Variants in RPTOR observed in about 807,000 individuals in gnomAD.
RPTOR encodes regulatory-associated protein of mTOR.
In RPTOR, 21 loss-of-function variants were observed where a neutral mutation model predicts 169.9. The observed-to-expected ratio is 0.12, with a 90% confidence interval of 0.09 to 0.18. The LOEUF (loss-of-function observed/expected upper bound fraction) is 0.18, where lower values mean the gene tolerates loss of function less well. Ranked by LOEUF, RPTOR falls within the 10% of genes least tolerant of loss-of-function variation. The pLI, the probability that RPTOR is intolerant of heterozygous loss-of-function variation, is 1.00. For missense variants in RPTOR, 1,133 were observed against 1,855.9 expected, an observed-to-expected ratio of 0.61 and a Z score of 7.16; for synonymous variants, 732 against 753.2, an observed-to-expected ratio of 0.97 and a Z score of 0.46.
At chr17:80,582,696 C>T (rs1304708867) in intron 1 of RPTOR, among the ~76,000 whole-genome samples, 2 of 151,816 alleles carry the variant, frequency 1.3e-5, no homozygotes, top group South Asian at 2.1e-4. Flanking sequence ...CAGGCGCCCG[C>T]CACCATGCCT....
intron 24 of RPTOR, among the ~76,000 whole-genome samples, chr17:80,937,638 G>GT (rs927772448): frequency 6.6e-6 from 1 of 152,226 alleles, no homozygotes; most frequent in African/African-American, 2.4e-5. Flanking sequence ...CTGTTTACAG[G>GT]GAGGCTCAGC....
chr17:80,913,501 G>T (rs568288162), intron 21 of RPTOR, among the ~76,000 whole-genome samples: 1 of 152,264 alleles, frequency 6.6e-6, no homozygotes, highest in South Asian at 2.1e-4. Context: ...CACCCAGGCT[G>T]GAGTTCAGTG....
At chr17:80,635,191 C>T (rs1171977131) in intron 2 of RPTOR, among the ~76,000 whole-genome samples, 1 of 152,178 alleles carries the variant, frequency 6.6e-6, no homozygotes, top group Non-Finnish European at 1.5e-5. Flanking sequence ...TGCCATTTCA[C>T]CCCAATATCT....
chr17:80,588,995 C>T (rs760755482), intron 1 of RPTOR, among the ~76,000 whole-genome samples: 2 of 152,104 alleles, frequency 1.3e-5, no homozygotes, highest in South Asian at 2.1e-4. Flanking sequence ...GATTTTGTCC[C>T]ATAATGTACC....
intron 7 of RPTOR, chr17:80,802,620 A>G (rs971179514): frequency 5.9e-5 from 9 of 152,506 alleles, no homozygotes; most frequent in African/African-American, 2.2e-4. Flanking sequence ...AGGAAAAGAA[A>G]ATGCATGTGT....
At chr17:80,665,460 T>C (rs533446888) in intron 3 of RPTOR, among the ~76,000 whole-genome samples, 1 of 31,218 alleles carries the variant, frequency 3.2e-5, no homozygotes, top group African/African-American at 3.2e-4. Flanking sequence ...TTCCTTTCCT[T>C]TCCTTTCCTT....
In RPTOR at chr17:80,744,829, CCCTGGTTACTAGCACTGT is replaced by C. The variant is rs1274286867; in HGVS notation, c.655-9175_655-9158del. Among the ~76,000 whole-genome samples the C allele has an allele frequency of 1.0e-3, 11 of 10,716 alleles. 1 individual carries two copies. Among genetic ancestry groups the C allele is most frequent in the East Asian group, 2.2e-3 (1 of 460 alleles). 7.0% of individuals were successfully genotyped at this position (10,716 alleles called of 152,430 possible). A position where few individuals can be genotyped will look rare whatever the true frequency, so the allele number is the denominator to read the frequency against. ...AGCACTGTCCTGGCTACTAGCACAG[CCCTGGTTACTAGCACTGT>C]CCTGGCTACTAGCACTGTCCTGGTT... On this transcript the variant is annotated intron_variant, in intron 5 of 33. Transcript: ENST00000306801.
chr17:80,894,944 C>T (rs1410465076), intron 20 of RPTOR, among the ~76,000 whole-genome samples: 1 of 152,246 alleles, frequency 6.6e-6, no homozygotes, highest in Admixed American at 6.5e-5. Context: ...TCGCACGATG[C>T]GTGGCCCGCA....
chr17:80,698,648 T>G (rs1471318256), intron 3 of RPTOR, among the ~76,000 whole-genome samples: 1 of 152,240 alleles, frequency 6.6e-6, no homozygotes, highest in Non-Finnish European at 1.5e-5. Context: ...ATCTTTATGT[T>G]TGGAAAGATT....
At chr17:80,890,450 G>C (rs984285325) in intron 17 of RPTOR, among the ~76,000 whole-genome samples, 3 of 151,340 alleles carry the variant, frequency 2.0e-5, no homozygotes, top group African/African-American at 7.3e-5. Context: ...CAGTGACTTA[G>C]GCAGTTGGAG....
chr17:80,565,906 T>A (rs574756968), intron 1 of RPTOR, among the ~76,000 whole-genome samples: 26 of 152,332 alleles, frequency 1.7e-4, no homozygotes, highest in Admixed American at 5.2e-4. Flanking sequence ...CTGGGACAGC[T>A]TTGGTGCCCG....
At chr17:80,616,819 G>T (rs1359654450) in intron 1 of RPTOR, among the ~76,000 whole-genome samples, 2 of 152,064 alleles carry the variant, frequency 1.3e-5, no homozygotes, top group African/African-American at 2.4e-5. Context: ...CCAATTATTT[G>T]TTGGTTTTTA....
intron 1 of RPTOR, among the ~76,000 whole-genome samples, chr17:80,564,935 G>A (rs2084560210): frequency 6.6e-6 from 1 of 152,106 alleles, no homozygotes; most frequent in Non-Finnish European, 1.5e-5. Flanking sequence ...TTGTGTGGCT[G>A]CATAGTATTC....
At chr17:80,629,299 G>A (rs143063327) in intron 2 of RPTOR, among the ~76,000 whole-genome samples, 8,896 of 147,446 alleles carry the variant, frequency 0.06, 1,099 homozygotes, top group African/African-American at 0.22. Context: ...CGGCTCTTCC[G>A]TGTGTCTCTC....
chr17:80,647,692 G>A (rs2065607239), intron 3 of RPTOR, among the ~76,000 whole-genome samples: 1 of 152,218 alleles, frequency 6.6e-6, no homozygotes, highest in Non-Finnish European at 1.5e-5. Context: ...GACCAAGTCT[G>A]TCCGTCGGGC....
At chr17:80,793,728 C>T (rs1179296780) in intron 7 of RPTOR, among the ~76,000 whole-genome samples, 1 of 152,252 alleles carries the variant, frequency 6.6e-6, no homozygotes, top group Non-Finnish European at 1.5e-5. Context: ...CACATGAGCT[C>T]AGACAGCGCC....
intron 1 of RPTOR, among the ~76,000 whole-genome samples, chr17:80,587,193 C>T (rs1489580254): frequency 6.6e-6 from 1 of 152,256 alleles, no homozygotes; most frequent in Non-Finnish European, 1.5e-5. Context: ...GTGCAGCATG[C>T]ACTCGCTTGC....
intron 9 of RPTOR, among the ~76,000 whole-genome samples, chr17:80,831,133 C>T (rs1489009925): frequency 1.3e-5 from 2 of 152,146 alleles, no homozygotes; most frequent in Admixed American, 6.5e-5. Flanking sequence ...TTCCCAAATG[C>T]GCTACACAAT....
At chr17:80,618,066 C>T (rs183229819) in intron 1 of RPTOR, among the ~76,000 whole-genome samples, 7 of 150,548 alleles carry the variant, frequency 4.6e-5, no homozygotes, top group African/African-American at 1.2e-4. Flanking sequence ...CTGTAACCTC[C>T]GCCTCCCGGG....
Sources: allele counts gnomAD v4.1 joint callset (sites outside exome capture counted in the v4.1 genomes callset), GRCh38; gene constraint gnomAD v4.1.1; transcripts MANE v1.5; gene names NCBI Gene and HGNC (gene_info 2026-07-23, HGNC 2026-07-21).